Variants in PM20D1 observed in about 807,000 individuals in gnomAD.
PM20D1 encodes the protein N-fatty-acyl-amino acid synthase/hydrolase PM20D1.
Under a neutral mutation model 53.8 loss-of-function variants are expected in PM20D1, and 53 were observed. The ratio of observed to expected loss-of-function variants is 0.98; its 90% CI spans 0.79 to 1.24. PM20D1 has a LOEUF of 1.24. PM20D1 is among the 50% of genes most tolerant of loss of function. PM20D1 has a pLI of 0.00. For missense variants in PM20D1, 564 were observed against 616.8 expected, an observed-to-expected ratio of 0.91 and a Z score of 0.91; for synonymous variants, 239 against 241.3, an observed-to-expected ratio of 0.99 and a Z score of 0.09.
At position 205,828,842 on chromosome 1, in the gene PM20D1, G is replaced by A. The variant is rs558410218; in HGVS notation, c.1386-99C>T. On this transcript the variant is annotated intron_variant, in intron 12 of 12. Transcript: ENST00000367136. ...CTTCCCTTACTTCCCTCACCAACCC[G>A]GAAACTACTGGCCCTCCAGGGCTAG... is the stretch of plus-strand genomic sequence containing the variant. 8.6e-5 allele frequency: 125 copies of A among 1,458,566 alleles called. 1 individual carries two copies. Among genetic ancestry groups the A allele is most frequent in the Non-Finnish European group, 1.1e-4 (114 of 1,077,868 alleles). The allele number at this position is 1,458,566 out of a possible 1,614,324, so 90.4% of individuals were successfully genotyped here.
At chr1:205,836,345 G>A (rs1482001839) in intron 10 of PM20D1, among the ~76,000 whole-genome samples, 1 of 152,240 alleles carries the variant, frequency 6.6e-6, no homozygotes, top group Admixed American at 6.5e-5. Context: ...CTGTCCTGCT[G>A]TAAGGCTGCT....
Position 205,841,897 on chromosome 1 carries a change from A to G in PM20D1, c.966-8T>C. On this transcript the variant is annotated splice_region_variant and splice_polypyrimidine_tract_variant and intron_variant, in intron 8 of 12. Coordinates refer to ENST00000367136, the MANE Select transcript of PM20D1 (RefSeq NM_152491.5). ...GGATTTCTCTCCATAAACCTAAAAC[A>G]AAAGGACCAAGGTCAGATGTTAGAA... is the stretch of plus-strand genomic sequence containing the variant. The G allele has an allele frequency of 6.4e-7, 1 of 1,555,740 alleles. No homozygotes were observed. Among genetic ancestry groups the G allele is most frequent in the South Asian group, 1.2e-5 (1 of 84,650 alleles).
chr1:205,841,744 G>C, intron 9 of PM20D1, 67 bp downstream of exon 9: 1 of 1,418,536 alleles, frequency 7.0e-7, no homozygotes, highest in Non-Finnish European at 9.7e-7. Flanking sequence ...CCAGTAGATA[G>C]ATTCAAGGAA....
chr1:205,848,347 CT>C (rs953952704), intron 1 of PM20D1, among the ~76,000 whole-genome samples: 8 of 152,176 alleles, frequency 5.3e-5, no homozygotes, highest in African/African-American at 2.4e-5. Context: ...TCACCAATTG[CT>C]TTGATGAATC....
At chr1:205,834,492 G>A (rs1163154018) in intron 10 of PM20D1, among the ~76,000 whole-genome samples, 1 of 152,166 alleles carries the variant, frequency 6.6e-6, no homozygotes, top group Non-Finnish European at 1.5e-5. Context: ...AGAATGTTAG[G>A]AGTTGAGTCT....
At position 205,840,328 on chromosome 1, in the gene PM20D1, A is replaced by C. The variant is rs1219321680; in HGVS notation, c.1045-5T>G. ...CACTGGGGGGATGACATTGAACTAG[A>C]GAGAGAAGCACAAAACCCTGGCTTG... On this transcript the variant is annotated splice_polypyrimidine_tract_variant and splice_region_variant and intron_variant, in intron 9 of 12. Transcript: ENST00000367136. 6.2e-7 allele frequency: 1 copy of C among 1,612,930 alleles called. No homozygotes were observed. Among genetic ancestry groups the C allele is most frequent in the African/African-American group, 1.3e-5 (1 of 74,922 alleles).
chr1:205,835,179 T>G (rs181009181), intron 10 of PM20D1, among the ~76,000 whole-genome samples: 2 of 152,274 alleles, frequency 1.3e-5, no homozygotes, highest in African/African-American at 4.8e-5. Context: ...TATGAATGTT[T>G]AGCCCAAGTT....
intron 1 of PM20D1, among the ~76,000 whole-genome samples, chr1:205,849,245 G>A (rs928452268): frequency 2.0e-5 from 3 of 152,170 alleles, no homozygotes; most frequent in Non-Finnish European, 4.4e-5. Context: ...AAACTTTCCT[G>A]TTTCCTGGAA....
intron 4 of PM20D1, 60 bp downstream of exon 4, chr1:205,844,751 G>A: frequency 6.6e-7 from 1 of 1,504,698 alleles, no homozygotes; most frequent in Non-Finnish European, 9.2e-7. Flanking sequence ...CTAGGGTTAA[G>A]CACCCACTCC....
intron 4 of PM20D1, among the ~76,000 whole-genome samples, chr1:205,844,513 C>T (rs946843509): frequency 2.0e-5 from 3 of 152,184 alleles, no homozygotes; most frequent in African/African-American, 4.8e-5. Context: ...CATCACTCTC[C>T]CTTTTCAGTT....
intron 1 of PM20D1, among the ~76,000 whole-genome samples, chr1:205,849,157 C>G (rs1411999166): frequency 6.6e-6 from 1 of 152,146 alleles, no homozygotes; most frequent in Admixed American, 6.5e-5. Context: ...TAATCCATTA[C>G]TTAATGAAAG....
chr1:205,845,718 C>A lies in PM20D1; in HGVS notation c.257-161G>T, dbSNP rs150323101. Among the ~76,000 whole-genome samples the A allele has an allele frequency of 6.6e-5, 10 of 152,250 alleles. No individual in the cohort carries two copies. In the East Asian group the frequency reaches 1.9e-3, roughly 29 times the overall value. ...AAAGCTAGTCTGATTCCTGATCTACCTGGACAATCTTTGAAATTCGTCTTC... is the reference window on the plus strand; with the variant it reads ...AAAGCTAGTCTGATTCCTGATCTACATGGACAATCTTTGAAATTCGTCTTC... On this transcript the variant is annotated intron_variant, in intron 2 of 12. Transcript: ENST00000367136.
chr1:205,844,063 T>C, intron 5 of PM20D1, 24 bp downstream of exon 5: 1 of 1,594,984 alleles, frequency 6.3e-7, no homozygotes, highest in African/African-American at 1.3e-5. Flanking sequence ...CCCTCCAAGG[T>C]GTGGGGTGGG....
At position 205,844,079 on chromosome 1, in the gene PM20D1, T is replaced by C. The variant is rs576658598; in HGVS notation, c.707+8A>G. On this transcript the variant is annotated splice_region_variant and intron_variant, in intron 5 of 12. Coordinates refer to ENST00000367136, the MANE Select transcript of PM20D1 (RefSeq NM_152491.5). ...CCTCCAAGGTGTGGGGTGGGATGCT[T>C]TACTCACAAGGCGATGGGCTTCTTG... 1 of 1,606,312 alleles carries C rather than the reference T, an allele frequency of 6.2e-7. No individual in the cohort carries two copies. The highest frequency in any genetic ancestry group is 1.7e-5 in the Admixed American group (1 of 59,284).
At chr1:205,833,852 C>CT (rs151195714) in intron 10 of PM20D1, among the ~76,000 whole-genome samples, 1,882 of 146,166 alleles carry the variant, frequency 0.013, 21 homozygotes, top group South Asian at 0.045. Context: ...AAGAGTACCT[C>CT]TTTTTTTTTT....
At chr1:205,829,492 T>C (rs1656511100) in intron 12 of PM20D1, among the ~76,000 whole-genome samples, 1 of 152,028 alleles carries the variant, frequency 6.6e-6, no homozygotes, top group Admixed American at 6.6e-5. Flanking sequence ...AACTTTACTA[T>C]CAGACCTCAC....
At chr1:205,847,597 A>G (rs1657020126) in intron 2 of PM20D1, among the ~76,000 whole-genome samples, 1 of 150,476 alleles carries the variant, frequency 6.6e-6, no homozygotes, top group African/African-American at 2.5e-5. Context: ...GTAGAAGGAA[A>G]TCCTAGTTCT....
At chr1:205,832,489 C>T (rs1656580634) in intron 11 of PM20D1, 109 bp downstream of exon 11, 2 of 1,243,112 alleles carry the variant, frequency 1.6e-6, no homozygotes, top group Admixed American at 4.3e-5. Flanking sequence ...GGGGAAGCAG[C>T]CAGCTGTTTA....
At position 205,828,620 on chromosome 1, in the gene PM20D1, T is replaced by A; in HGVS notation, c.1509A>T (p.Ter503CysextTer98). ...GCCTAACCCAGCAGGCCCCTTGACC[T>A]CACAGTTTGTGCAGGTGAGAAACTG... ...QEPVSHLHKL[*>C] Residue 503 changes from the stop codon to cysteine (C), a stop_lost, in exon 13 of 13, where the codon TGA becomes TGT. Coordinates refer to ENST00000367136, the MANE Select transcript of PM20D1 (RefSeq NM_152491.5). 1 of 1,614,110 alleles carries A rather than the reference T, an allele frequency of 6.2e-7. No homozygotes were observed.
Sources: allele counts gnomAD v4.1 joint callset (sites outside exome capture counted in the v4.1 genomes callset), GRCh38; gene constraint gnomAD v4.1.1; transcripts MANE v1.5; gene names NCBI Gene and HGNC (gene_info 2026-07-23, HGNC 2026-07-21).